PARD3B: variants seen among roughly 807,000 people sequenced by gnomAD.
PARD3B encodes partitioning defective 3 homolog B.
PARD3B carries 103 observed loss-of-function variants against 130.2 expected under a neutral mutation model. The observed-to-expected ratio is 0.79, with a 90% CI of 0.67 to 0.93. The LOEUF (loss-of-function observed/expected upper bound fraction) is 0.93. Among genes scored for constraint, PARD3B ranks in the 40% least tolerant of loss-of-function variants. The pLI is 0.00. For missense variants in PARD3B, 1,609 were observed against 1,499.2 expected (o/e 1.07, Z -1.21); for synonymous variants, 583 against 553.2 (o/e 1.05, Z -0.76).
chr2:205,257,971 A>G (rs746107126), intron 16 of PARD3B, among the ~76,000 whole-genome samples: 4 of 152,188 alleles, frequency 2.6e-5, no homozygotes, highest in Non-Finnish European at 5.9e-5. Flanking sequence ...CTGGTTGAAC[A>G]CTGGCTTCTT....
intron 16 of PARD3B, among the ~76,000 whole-genome samples, chr2:205,297,740 T>C (rs1329169269): frequency 2.6e-5 from 4 of 152,154 alleles, no homozygotes; most frequent in African/African-American, 7.2e-5. Context: ...GAATTTTTTT[T>C]CCAATCCTGA....
intron 2 of PARD3B, among the ~76,000 whole-genome samples, chr2:204,713,880 T>G (rs964926242): frequency 4.6e-5 from 7 of 152,174 alleles, no homozygotes; most frequent in Non-Finnish European, 5.9e-5. Flanking sequence ...CCCAAGAAGT[T>G]CTTGTTCCTT....
intron 2 of PARD3B, among the ~76,000 whole-genome samples, chr2:204,877,332 C>A (rs1434976177): frequency 6.6e-6 from 1 of 151,990 alleles, no homozygotes; most frequent in East Asian, 1.9e-4. Flanking sequence ...ACCAACATGG[C>A]ACATGTATAC....
At chr2:204,979,034 T>G (rs1290817673) in intron 3 of PARD3B, among the ~76,000 whole-genome samples, 1 of 144,878 alleles carries the variant, frequency 6.9e-6, no homozygotes, top group Non-Finnish European at 1.5e-5. Flanking sequence ...ATGGATAAAA[T>G]CACTGGAAAT....
At chr2:205,113,102 G>T (rs568592541) in intron 5 of PARD3B, among the ~76,000 whole-genome samples, 7 of 152,120 alleles carry the variant, frequency 4.6e-5, no homozygotes, top group Non-Finnish European at 1.0e-4. Flanking sequence ...AAGCATCGAT[G>T]TGCTTTCTTC....
rs367679256 is a variant in PARD3B at position 205,580,040 on chromosome 2, A to C, written c.3260+26637A>C. On this transcript the variant is annotated intron_variant, in intron 22 of 22. Coordinates refer to ENST00000406610, the MANE Select transcript of PARD3B (RefSeq NM_001302769.2). Reference sequence around the variant, plus strand: ...CTGTGAACTTAAAGATGATACTTGCATAAAGAGATTTGTCCCTTGGATTAT... The same window carrying C: ...CTGTGAACTTAAAGATGATACTTGCCTAAAGAGATTTGTCCCTTGGATTAT... 2.0e-5 allele frequency among the ~76,000 whole-genome samples: 3 copies of C among 152,318 alleles called. No homozygotes were observed. In the East Asian group the frequency reaches 5.8e-4, roughly 29 times the overall value.
intron 3 of PARD3B, among the ~76,000 whole-genome samples, chr2:204,988,691 G>T (rs1693389861): frequency 6.6e-6 from 1 of 152,104 alleles, no homozygotes; most frequent in Non-Finnish European, 1.5e-5. Flanking sequence ...CAGAAAAAGA[G>T]AACTTTGTTC....
chr2:205,173,357 G>A (rs1316066483), intron 12 of PARD3B, among the ~76,000 whole-genome samples: 3 of 152,072 alleles, frequency 2.0e-5, no homozygotes, highest in African/African-American at 7.2e-5. Flanking sequence ...GAATTGCTTG[G>A]GTTTCAATCC....
intron 20 of PARD3B, among the ~76,000 whole-genome samples, chr2:205,455,482 T>C (rs2048241533): frequency 7.2e-6 from 1 of 139,178 alleles, no homozygotes; most frequent in Non-Finnish European, 1.5e-5. Context: ...TCATTCCCTG[T>C]TAGTGAACTT....
chr2:205,398,597 A>G (rs2046122057), intron 18 of PARD3B, among the ~76,000 whole-genome samples: 1 of 152,146 alleles, frequency 6.6e-6, no homozygotes, highest in Admixed American at 6.6e-5. Flanking sequence ...AGACTTGCTA[A>G]TTGAAATAGT....
intron 19 of PARD3B, among the ~76,000 whole-genome samples, chr2:205,428,669 G>A (rs2047227209): frequency 6.6e-6 from 1 of 152,026 alleles, no homozygotes; most frequent in East Asian, 1.9e-4. Flanking sequence ...AATTATATCA[G>A]TGTTAAGAAT....
At chr2:204,917,997 T>C (rs904062854) in intron 2 of PARD3B, among the ~76,000 whole-genome samples, 1 of 152,218 alleles carries the variant, frequency 6.6e-6, no homozygotes, top group African/African-American at 2.4e-5. Flanking sequence ...TTATTGGTTA[T>C]AGTAATTAAA....
At chr2:205,070,014 C>T (rs1239955488) in intron 4 of PARD3B, among the ~76,000 whole-genome samples, 1 of 152,048 alleles carries the variant, frequency 6.6e-6, no homozygotes, top group Non-Finnish European at 1.5e-5. Flanking sequence ...AGCAGAACAC[C>T]CTGGTCTCTG....
chr2:205,363,953 C>T (rs189079555), intron 18 of PARD3B, among the ~76,000 whole-genome samples: 2 of 151,056 alleles, frequency 1.3e-5, no homozygotes, highest in Admixed American at 1.3e-4. Flanking sequence ...AGGCATGAAC[C>T]ACCGCACCCA....
chr2:204,570,253 C>T (rs2031915720), intron 1 of PARD3B, among the ~76,000 whole-genome samples: 1 of 152,120 alleles, frequency 6.6e-6, no homozygotes, highest in Non-Finnish European at 1.5e-5. Context: ...GTGTCTGGTT[C>T]ATTCCTCACA....
intron 2 of PARD3B, among the ~76,000 whole-genome samples, chr2:204,939,685 A>G (rs1688752830): frequency 6.6e-6 from 1 of 152,226 alleles, no homozygotes; most frequent in Non-Finnish European, 1.5e-5. Flanking sequence ...CAAATTCAAC[A>G]AAGAGGGGTA....
chr2:204,972,402 T>A (rs1336539443), intron 3 of PARD3B, among the ~76,000 whole-genome samples: 1 of 152,160 alleles, frequency 6.6e-6, no homozygotes. Flanking sequence ...ATTACCACCA[T>A]CCTAACAGAA....
intron 1 of PARD3B, among the ~76,000 whole-genome samples, chr2:204,609,461 CAG>C (rs1292662663): frequency 3.3e-5 from 5 of 152,028 alleles, no homozygotes; most frequent in South Asian, 2.1e-4. Flanking sequence ...TTTAGGGAGA[CAG>C]AAAGTGTAAG....
chr2:205,126,285 A>G (rs1215412041), intron 10 of PARD3B, among the ~76,000 whole-genome samples: 1 of 152,200 alleles, frequency 6.6e-6, no homozygotes, highest in Non-Finnish European at 1.5e-5. Flanking sequence ...CCTAGTAACT[A>G]GACTTCAAGT....
Sources: gnomAD v4.1 joint callset for allele counts (sites outside exome capture counted in the v4.1 genomes callset) on GRCh38, gnomAD v4.1.1 for gene constraint, MANE v1.5 for transcripts, NCBI Gene and HGNC (gene_info 2026-07-23, HGNC 2026-07-21) for gene names.